SLCO3A1: variants seen among roughly 807,000 people sequenced by gnomAD.
The protein encoded by SLCO3A1 is solute carrier organic anion transporter family member 3A1.
SLCO3A1 carries 27 observed loss-of-function variants against 63.1 expected under a neutral mutation model. The ratio of observed to expected loss-of-function variants is 0.43; its 90% CI spans 0.32 to 0.59. SLCO3A1 has a LOEUF of 0.59. SLCO3A1 is among the 20% of genes least tolerant of loss of function. The probability of loss-of-function intolerance (pLI) is 0.09; values close to 1 mark genes in which losing one functional copy is unlikely to be tolerated. For missense variants in SLCO3A1, 773 were observed against 945.8 expected (o/e 0.82, Z 2.40); for synonymous variants, 473 against 409.9 (o/e 1.15, Z -1.86).
intron 1 of SLCO3A1, among the ~76,000 whole-genome samples, chr15:91,893,363 A>G (rs1282122953): frequency 2.6e-5 from 4 of 152,192 alleles, no homozygotes; most frequent in Non-Finnish European, 5.9e-5. Context: ...GTGGCTTAGA[A>G]ACAACAAACA....
chr15:92,079,486 G>A lies in SLCO3A1; in HGVS notation c.647-15395G>A, dbSNP rs534879255. ...CCAGCTTCTCACTGTGCCCTCACAC[G>A]GTCTGTCCTCTGTACCTGAGCTTCC... On this transcript the variant is annotated intron_variant, in intron 2 of 9. Coordinates refer to ENST00000318445, the MANE Select transcript of SLCO3A1 (RefSeq NM_013272.4). Among the ~76,000 whole-genome samples, 20 of 152,306 alleles carry A rather than the reference G, an allele frequency of 1.3e-4. No homozygotes were observed. The South Asian group carries it at 1.4e-3, about 11-fold the overall frequency.
intron 2 of SLCO3A1, among the ~76,000 whole-genome samples, chr15:92,004,390 G>A (rs2046290107): frequency 6.6e-6 from 1 of 152,266 alleles, no homozygotes; most frequent in Non-Finnish European, 1.5e-5. Context: ...TCATAGCACA[G>A]CATATGGCCT....
chr15:92,027,900 G>GA (rs1191848564), intron 2 of SLCO3A1, among the ~76,000 whole-genome samples: 1 of 152,208 alleles, frequency 6.6e-6, no homozygotes, highest in African/African-American at 2.4e-5. Flanking sequence ...GGTAAGGCAC[G>GA]AATGTGCAAG....
chr15:92,069,717 C>T (rs1026207972), intron 2 of SLCO3A1, among the ~76,000 whole-genome samples: 2 of 152,108 alleles, frequency 1.3e-5, no homozygotes, highest in Non-Finnish European at 2.9e-5. Context: ...CTTGCCCTTC[C>T]CTCTCATCTG....
chr15:92,016,695 G>T lies in SLCO3A1; in HGVS notation c.647-78186G>T, dbSNP rs185036585. Among the ~76,000 whole-genome samples, 213 of 152,298 alleles carry T rather than the reference G, an allele frequency of 1.4e-3. 1 individual carries two copies. Among genetic ancestry groups the T allele is most frequent in the Middle Eastern group, 0.01 (3 of 294 alleles). ...GAGGAGAGAGAATGAATTCCAGAGA[G>T]TTATCAAAGCAAGGATGGATGGGAC... is the stretch of plus-strand genomic sequence containing the variant. On this transcript the variant is annotated intron_variant, in intron 2 of 9. Transcript: ENST00000318445.
intron 2 of SLCO3A1, among the ~76,000 whole-genome samples, chr15:92,036,528 C>T (rs2046729734): frequency 6.6e-6 from 1 of 152,120 alleles, no homozygotes; most frequent in Admixed American, 6.5e-5. Flanking sequence ...CTTAACCCAA[C>T]CTCTTTACAC....
intron 2 of SLCO3A1, among the ~76,000 whole-genome samples, chr15:91,928,041 C>A (rs1406132238): frequency 6.6e-6 from 1 of 152,226 alleles, no homozygotes; most frequent in Non-Finnish European, 1.5e-5. Flanking sequence ...GGTAAAAAGG[C>A]TATTAGGCAG....
At chr15:92,071,517 G>A (rs982383268) in intron 2 of SLCO3A1, among the ~76,000 whole-genome samples, 26 of 152,176 alleles carry the variant, frequency 1.7e-4, no homozygotes, top group Admixed American at 3.9e-4. Context: ...GTCAGAAATG[G>A]AGTCATTTGA....
chr15:91,959,201 T>G (rs1015311453), intron 2 of SLCO3A1, among the ~76,000 whole-genome samples: 1 of 152,094 alleles, frequency 6.6e-6, no homozygotes, highest in Non-Finnish European at 1.5e-5. Context: ...TTCTCACTTA[T>G]GAGTGGGAGG....
At chr15:91,979,568 G>A (rs569044572) in intron 2 of SLCO3A1, among the ~76,000 whole-genome samples, 11 of 151,948 alleles carry the variant, frequency 7.2e-5, no homozygotes, top group East Asian at 3.9e-4. Context: ...ATTTATCCAC[G>A]GAAAAAAAAA....
At chr15:91,963,828 T>C (rs1033889065) in intron 2 of SLCO3A1, among the ~76,000 whole-genome samples, 3 of 152,098 alleles carry the variant, frequency 2.0e-5, no homozygotes, top group Non-Finnish European at 4.4e-5. Flanking sequence ...CAAGATTTAT[T>C]GTGAAGAGCG....
intron 1 of SLCO3A1, among the ~76,000 whole-genome samples, chr15:91,911,333 T>G (rs1898478321): frequency 1.3e-5 from 2 of 152,138 alleles, no homozygotes; most frequent in African/African-American, 2.4e-5. Flanking sequence ...AAAGCAGAGG[T>G]ACTCAAAGTG....
chr15:92,005,377 C>T (rs1484858854), intron 2 of SLCO3A1, among the ~76,000 whole-genome samples: 1 of 152,216 alleles, frequency 6.6e-6, no homozygotes. Flanking sequence ...CTGATCGCTT[C>T]AAGAGCGTCT....
intron 1 of SLCO3A1, among the ~76,000 whole-genome samples, chr15:91,895,950 T>C (rs1309106088): frequency 6.6e-6 from 1 of 152,240 alleles, no homozygotes; most frequent in Non-Finnish European, 1.5e-5. Flanking sequence ...TACTCAAAAC[T>C]ACCAGTGTCC....
At chr15:92,086,364 T>C (rs1222884965) in intron 2 of SLCO3A1, among the ~76,000 whole-genome samples, 1 of 152,218 alleles carries the variant, frequency 6.6e-6, no homozygotes, top group Non-Finnish European at 1.5e-5. Flanking sequence ...TGAATTCTAA[T>C]GAGACTGACC....
intron 1 of SLCO3A1, among the ~76,000 whole-genome samples, chr15:91,868,721 T>C (rs1218343660): frequency 6.6e-6 from 1 of 152,178 alleles, no homozygotes; most frequent in East Asian, 1.9e-4. Flanking sequence ...CTTTCAATGA[T>C]CTTGTGAATA....
At chr15:91,985,477 C>T (rs576917911) in intron 2 of SLCO3A1, among the ~76,000 whole-genome samples, 6 of 152,106 alleles carry the variant, frequency 3.9e-5, no homozygotes, top group East Asian at 1.9e-4. Context: ...ATGTGGGATG[C>T]GCACCTAGGA....
At chr15:91,884,888 G>C (rs1203335922) in intron 1 of SLCO3A1, among the ~76,000 whole-genome samples, 6 of 151,592 alleles carry the variant, frequency 4.0e-5, no homozygotes, top group Admixed American at 3.9e-4. Flanking sequence ...TTTTAGACCT[G>C]AGGCAGCTGA....
chr15:91,969,614 A>G (rs1207580703), intron 2 of SLCO3A1, among the ~76,000 whole-genome samples: 1 of 152,128 alleles, frequency 6.6e-6, no homozygotes, highest in Non-Finnish European at 1.5e-5. Context: ...GCCTCTTGTT[A>G]CAATTATTGT....
Sources: gnomAD v4.1 joint callset for allele counts (sites outside exome capture counted in the v4.1 genomes callset) on GRCh38, gnomAD v4.1.1 for gene constraint, MANE v1.5 for transcripts, NCBI Gene and HGNC (gene_info 2026-07-23, HGNC 2026-07-21) for gene names.